Variants in CNTNAP2 observed in about 807,000 individuals in gnomAD.
CNTNAP2 encodes contactin-associated protein-like 2.
A neutral mutation model predicts 155.2 loss-of-function variants in CNTNAP2; 98 were observed. The ratio of observed to expected loss-of-function variants is 0.63; its 90% confidence interval spans 0.54 to 0.75. CNTNAP2 has a LOEUF of 0.75. CNTNAP2 is among the 30% of genes least tolerant of loss of function. The pLI is 0.00. For synonymous variants in CNTNAP2, 651 were observed against 631.2 expected (o/e 1.03, Z -0.47); for missense variants, 1,727 against 1,688.1 (o/e 1.02, Z -0.40).
chr7:147,660,559 A>G (rs886451753), intron 13 of CNTNAP2, among the ~76,000 whole-genome samples: 1 of 152,238 alleles, frequency 6.6e-6, no homozygotes, highest in Non-Finnish European at 1.5e-5. Flanking sequence ...GTCTAGTGAC[A>G]TCACCTCGTG....
At position 146,148,639 on chromosome 7, in the gene CNTNAP2, A is replaced by G. The variant is rs138141510; in HGVS notation, c.97+31666A>G. Reference sequence around the variant, plus strand: ...CCTTGAAAAGGTATGCACATGAATAATAAAGTTTTTTATCATTTGTCAACA... The same window carrying G: ...CCTTGAAAAGGTATGCACATGAATAGTAAAGTTTTTTATCATTTGTCAACA... On this transcript the variant is annotated intron_variant, in intron 1 of 23. Coordinates refer to ENST00000361727, the MANE Select transcript of CNTNAP2 (RefSeq NM_014141.6). Among the ~76,000 whole-genome samples, 55 of 152,292 alleles carry G rather than the reference A, an allele frequency of 3.6e-4. 1 individual carries two copies. The highest frequency in any genetic ancestry group is 1.3e-3 in the African/African-American group (55 of 41,564).
chr7:147,939,718 C>T (rs774176121), intron 14 of CNTNAP2, among the ~76,000 whole-genome samples: 1 of 151,986 alleles, frequency 6.6e-6, no homozygotes, highest in Admixed American at 6.6e-5. Flanking sequence ...TCAAGAATGA[C>T]GAAAGGAGCT....
chr7:146,175,351 A>G (rs370845857), intron 1 of CNTNAP2, among the ~76,000 whole-genome samples: 7 of 152,346 alleles, frequency 4.6e-5, no homozygotes, highest in African/African-American at 1.7e-4. Context: ...ACTGCAAGGT[A>G]TTCTTTGAGG....
chr7:148,048,175 C>T (rs188818081), intron 15 of CNTNAP2, among the ~76,000 whole-genome samples: 4 of 151,636 alleles, frequency 2.6e-5, no homozygotes, highest in South Asian at 2.1e-4. Context: ...CCGCCCGCCT[C>T]GGCCTCCCAA....
chr7:147,319,146 A>T (rs1331808973), intron 9 of CNTNAP2, among the ~76,000 whole-genome samples: 1 of 152,118 alleles, frequency 6.6e-6, no homozygotes, highest in African/African-American at 2.4e-5. Flanking sequence ...TTTACTTTCC[A>T]GTATAGAATG....
chr7:146,402,099 G>A (rs569656440), intron 1 of CNTNAP2, among the ~76,000 whole-genome samples: 1 of 152,238 alleles, frequency 6.6e-6, no homozygotes, highest in East Asian at 1.9e-4. Context: ...CCATAAGTAT[G>A]TTCATATATA....
intron 12 of CNTNAP2, among the ~76,000 whole-genome samples, chr7:147,570,255 G>T (rs1035330478): frequency 6.6e-6 from 1 of 152,252 alleles, no homozygotes; most frequent in Admixed American, 6.5e-5. Flanking sequence ...CTAGGAGAGG[G>T]TATTATGCCT....
At chr7:147,868,097 T>C (rs2116696819) in intron 13 of CNTNAP2, among the ~76,000 whole-genome samples, 1 of 152,298 alleles carries the variant, frequency 6.6e-6, no homozygotes, top group African/African-American at 2.4e-5. Context: ...TATCTACCTT[T>C]GGTCTATGTG....
chr7:147,051,995 A>G (rs933176017), intron 4 of CNTNAP2, among the ~76,000 whole-genome samples: 4 of 152,092 alleles, frequency 2.6e-5, no homozygotes, highest in African/African-American at 9.7e-5. Context: ...AATACAAGCT[A>G]TATTTCCTAA....
At chr7:146,821,737 G>A (rs933862807) in intron 2 of CNTNAP2, among the ~76,000 whole-genome samples, 1 of 151,970 alleles carries the variant, frequency 6.6e-6, no homozygotes, top group Non-Finnish European at 1.5e-5. Flanking sequence ...ATCATCACTG[G>A]CCATCAGAGA....
At chr7:146,847,215 C>T (rs918001152) in intron 3 of CNTNAP2, among the ~76,000 whole-genome samples, 1 of 152,118 alleles carries the variant, frequency 6.6e-6, no homozygotes, top group African/African-American at 2.4e-5. Context: ...CTACTCTGCT[C>T]AAGTGGTAAC....
At chr7:148,023,770 ATT>A (rs1440727513) in intron 15 of CNTNAP2, among the ~76,000 whole-genome samples, 3 of 152,116 alleles carry the variant, frequency 2.0e-5, no homozygotes, top group African/African-American at 4.8e-5. Context: ...CCACACATCA[ATT>A]TTTATACCAA....
At chr7:148,408,451 T>C (rs945417665) in intron 22 of CNTNAP2, among the ~76,000 whole-genome samples, 3 of 152,204 alleles carry the variant, frequency 2.0e-5, no homozygotes, top group African/African-American at 7.2e-5. Flanking sequence ...AATAAATTAG[T>C]GTTAGAAAAC....
chr7:146,876,995 T>C (rs754031206), intron 3 of CNTNAP2, among the ~76,000 whole-genome samples: 4 of 152,194 alleles, frequency 2.6e-5, no homozygotes, highest in African/African-American at 9.6e-5. Flanking sequence ...TTTTAACTAC[T>C]GCTTTAAGCG....
chr7:147,251,479 A>G (rs1297078957), intron 8 of CNTNAP2, among the ~76,000 whole-genome samples: 3 of 152,302 alleles, frequency 2.0e-5, no homozygotes, highest in South Asian at 2.1e-4. Context: ...GTGGTTTGCA[A>G]TATTGTCTGA....
intron 1 of CNTNAP2, among the ~76,000 whole-genome samples, chr7:146,260,812 G>C (rs1274218878): frequency 6.6e-6 from 1 of 152,192 alleles, no homozygotes; most frequent in Non-Finnish European, 1.5e-5. Context: ...CCTGGAATTA[G>C]TTAATACTTT....
At chr7:147,132,645 G>A (rs1801401191) in intron 8 of CNTNAP2, 136 bp downstream of exon 8, 1 of 1,180,980 alleles carries the variant, frequency 8.5e-7, no homozygotes, top group East Asian at 2.5e-5. Flanking sequence ...CGCTTACTTG[G>A]TTGTAGTGTG....
At chr7:146,573,554 G>T (rs1052342269) in intron 1 of CNTNAP2, among the ~76,000 whole-genome samples, 7 of 152,242 alleles carry the variant, frequency 4.6e-5, no homozygotes, top group Non-Finnish European at 1.0e-4. Context: ...CATATCAAGC[G>T]CTCTGAGAAA....
chr7:146,369,053 A>G (rs1195124674), intron 1 of CNTNAP2, among the ~76,000 whole-genome samples: 3 of 80,896 alleles, frequency 3.7e-5, no homozygotes, highest in South Asian at 3.0e-4. Context: ...ATATATATAC[A>G]TATATATATA....
Sources: allele counts gnomAD v4.1 joint callset (sites outside exome capture counted in the v4.1 genomes callset), GRCh38; gene constraint gnomAD v4.1.1; transcripts MANE v1.5; gene names NCBI Gene and HGNC (gene_info 2026-07-23, HGNC 2026-07-21).